ABCB7: variants seen among roughly 807,000 people sequenced by gnomAD.
ABCB7 encodes the protein ATP binding cassette subfamily B member 7.
ABCB7 carries 7 observed loss-of-function variants against 54.4 expected under a neutral mutation model. That is an observed-to-expected ratio of 0.13 (90% CI 0.07 to 0.24). ABCB7 has a LOEUF of 0.24. Ranked by LOEUF, ABCB7 falls within the 10% of genes least tolerant of loss-of-function variation. The pLI is 1.00. For missense variants in ABCB7, 356 were observed against 570.4 expected, an observed-to-expected ratio of 0.62 and a Z score of 3.83; for synonymous variants, 218 against 207.1, an observed-to-expected ratio of 1.05 and a Z score of -0.45.
chrX:75,153,227 G>A (rs1351022981), intron 1 of ABCB7, among the ~76,000 whole-genome samples: 3 of 110,776 alleles, frequency 2.7e-5, no homozygotes, highest in East Asian at 2.9e-4. Context: ...ACAGGAGCCC[G>A]CCACCATGCC....
At chrX:75,085,020 T>C (rs1158669110) in intron 4 of ABCB7, among the ~76,000 whole-genome samples, 2 of 112,226 alleles carry the variant, frequency 1.8e-5, no homozygotes, top group Non-Finnish European at 3.8e-5. Flanking sequence ...AAAGAACTAC[T>C]CTGGACAACA....
At chrX:75,115,405 CTTTTCTTTTT>C (rs2081805792) in intron 1 of ABCB7, among the ~76,000 whole-genome samples, 1 of 35,479 alleles carries the variant, frequency 2.8e-5, no homozygotes, top group African/African-American at 1.6e-4. Context: ...GTTTCTGTCT[CTTTTCTTTTT>C]TTTTTTTTTT....
intron 1 of ABCB7, among the ~76,000 whole-genome samples, chrX:75,151,435 C>A (rs1346999163): frequency 9.0e-6 from 1 of 111,710 alleles, no homozygotes; most frequent in African/African-American, 3.3e-5. Flanking sequence ...TTCCTCCACA[C>A]TACTTCCATC....
intron 3 of ABCB7, among the ~76,000 whole-genome samples, chrX:75,107,905 G>A (rs188056691): frequency 1.8e-5 from 2 of 110,544 alleles, no homozygotes; most frequent in East Asian, 2.9e-4. Context: ...GGATGGTACC[G>A]GATTATAGGA....
intron 1 of ABCB7, among the ~76,000 whole-genome samples, chrX:75,154,419 T>G (rs1482359446): frequency 8.9e-6 from 1 of 112,223 alleles, no homozygotes; most frequent in African/African-American, 3.2e-5. Flanking sequence ...TAACTTCATC[T>G]GCCTTATTGG....
chrX:75,062,584 C>A, intron 13 of ABCB7, 153 bp from the exon 14 acceptor site: 1 of 477,865 alleles, frequency 2.1e-6, no homozygotes, highest in South Asian at 3.1e-5. Flanking sequence ...AGTTGAAGTT[C>A]ATATACAATA....
At position 75,065,110 on chromosome X, in the gene ABCB7, T is replaced by C. The variant is rs974627838; in HGVS notation, c.1791A>G (p.Gly597=). The change falls in exon 13 of 16, where the codon GGA becomes GGG. Residue 597 remains glycine, a synonymous_variant. Coordinates refer to ENST00000373394, the MANE Select transcript of ABCB7 (RefSeq NM_001271696.3). The part of the protein sequence containing the change: ...LHDAILRMPH[G]YDTQVGERGL... ...CTCGTTCCCCTACTTGGGTGTCATA[T>C]CCATGTGGCATTCGAAGAATTGCAT... 6 of 1,209,131 alleles carry C rather than the reference T, an allele frequency of 5.0e-6. No individual in the cohort carries two copies. The African/African-American group carries it at 7.0e-5, about 14-fold the overall frequency.
intron 2 of ABCB7, among the ~76,000 whole-genome samples, chrX:75,114,336 C>G (rs1033818428): frequency 2.7e-5 from 3 of 111,757 alleles, no homozygotes; most frequent in Non-Finnish European, 5.6e-5. Context: ...ATAACCTCAT[C>G]AACATGTAAA....
chrX:75,153,776 A>T (rs866791238), intron 1 of ABCB7, among the ~76,000 whole-genome samples: 1 of 87,418 alleles, frequency 1.1e-5, no homozygotes, highest in African/African-American at 3.8e-5. Flanking sequence ...ATATATATAA[A>T]ATATATATGT....
intron 3 of ABCB7, among the ~76,000 whole-genome samples, chrX:75,100,200 G>A (rs753683972): frequency 3.5e-4 from 38 of 109,724 alleles, no homozygotes; most frequent in East Asian, 1.1e-3. Context: ...ATCAATTATC[G>A]CGTAAACCAC....
intron 1 of ABCB7, among the ~76,000 whole-genome samples, chrX:75,123,179 C>T (rs1323075775): frequency 9.0e-6 from 1 of 111,102 alleles, no homozygotes; most frequent in African/African-American, 3.3e-5. Flanking sequence ...TATGTGTAAG[C>T]CTCTTATCCA....
chrX:75,087,328 A>G (rs2147487613), intron 4 of ABCB7, among the ~76,000 whole-genome samples: 1 of 112,280 alleles, frequency 8.9e-6, no homozygotes, highest in African/African-American at 3.2e-5. Flanking sequence ...GGGTAGTGGT[A>G]GAATCCTCAC....
intron 1 of ABCB7, among the ~76,000 whole-genome samples, chrX:75,116,173 T>G (rs990437493): frequency 1.8e-5 from 2 of 111,287 alleles, no homozygotes; most frequent in African/African-American, 6.5e-5. Flanking sequence ...GCTTGCGACC[T>G]GAAAGCTTCA....
intron 1 of ABCB7, among the ~76,000 whole-genome samples, chrX:75,119,457 A>T (rs1221357480): frequency 8.9e-6 from 1 of 112,492 alleles, no homozygotes; most frequent in South Asian, 3.7e-4. Flanking sequence ...GGTTTTTCTT[A>T]GAGCACTTAT....
At chrX:75,062,544 C>T (rs2081289179) in intron 13 of ABCB7, 113 bp from the exon 14 acceptor site, 1 of 562,555 alleles carries the variant, frequency 1.8e-6, no homozygotes, top group Non-Finnish European at 3.1e-6. Flanking sequence ...CCTTATTCTC[C>T]TGATCACAGT....
rs1427734994 is a variant in ABCB7 at position 75,098,096 on chromosome X, G to A, written c.453+846C>T. On this transcript the variant is annotated intron_variant, in intron 4 of 15. Transcript: ENST00000373394. ...GGTCGAGGCGGGTGGATCACCTGGG[G>A]TCAGGAGTTAGAGACCAGCCTGGTC... is the stretch of plus-strand genomic sequence containing the variant. Among the ~76,000 whole-genome samples, 4 of 111,241 alleles carry A rather than the reference G, an allele frequency of 3.6e-5. No homozygotes were observed. The South Asian group carries it at 1.5e-3, about 42-fold the overall frequency.
Position 75,071,523 on chromosome X carries a change from T to C in ABCB7, c.1193A>G (p.Gln398Arg), listed in dbSNP as rs1355892513. 1 of 1,211,346 alleles carries C rather than the reference T, an allele frequency of 8.3e-7. No individual in the cohort carries two copies. Among genetic ancestry groups the C allele is most frequent in the Non-Finnish European group, 1.1e-6 (1 of 895,324 alleles). ...AGACTCATTACCTGCCACAATTCCC[T>C]GACTGGCGAGCACCATTATAGCTGT... ...GLTAIMVLAS[Q>R]GIVAGTLTVG... The change falls in exon 9 of 16, where the codon CAG becomes CGG. Residue 398 changes from glutamine (Q) to arginine (R), a missense_variant. This residue lies in a region of ABCB7 where 241 missense variants were observed against 470.9 expected (regional missense o/e 0.51). Transcript: ENST00000373394.
intron 3 of ABCB7, among the ~76,000 whole-genome samples, chrX:75,104,403 T>C (rs2081670919): frequency 1.8e-5 from 2 of 109,416 alleles, no homozygotes; most frequent in East Asian, 2.9e-4. Flanking sequence ...CATCGGAGAC[T>C]ACTATGAGCA....
At chrX:75,070,031 C>T (rs1010288030) in intron 10 of ABCB7, among the ~76,000 whole-genome samples, 3 of 110,351 alleles carry the variant, frequency 2.7e-5, no homozygotes, top group Non-Finnish European at 5.7e-5. Context: ...TGTGCCATCA[C>T]GCCCAGCTAA....
Sources: gnomAD v4.1 joint callset for allele counts (sites outside exome capture counted in the v4.1 genomes callset) on GRCh38, gnomAD v4.1.1 for gene constraint, gnomAD v4.1.1 regional missense constraint, MANE v1.5 for transcripts, NCBI Gene and HGNC (gene_info 2026-07-23, HGNC 2026-07-21) for gene names.